Variants in EXOSC4 observed in about 807,000 individuals in gnomAD.
EXOSC4 encodes the protein exosome component 4.
EXOSC4 carries 14 observed loss-of-function variants against 20.0 expected under a neutral mutation model. The observed-to-expected ratio is 0.70, with a 90% CI of 0.46 to 1.09. The LOEUF (loss-of-function observed/expected upper bound fraction) is 1.09. Ranked by LOEUF, EXOSC4 falls within the 50% of genes least tolerant of loss-of-function variation. EXOSC4 has a pLI of 0.00. For synonymous variants in EXOSC4, 148 were observed against 146.4 expected (o/e 1.01, Z -0.08); for missense variants, 337 against 334.0 (o/e 1.01, Z -0.07).
rs1554763338 is a variant in EXOSC4, at chr8:144,080,435, C to G, written c.572C>G (p.Pro191Arg). The change falls in exon 3 of 3, where the codon CCA (proline) becomes CGA (arginine). Residue 191 changes from proline (P) to arginine (R), a missense_variant. Coordinates refer to ENST00000316052, the MANE Select transcript of EXOSC4 (RefSeq NM_019037.3). The surrounding 1 kb of genome is among the most constrained non-coding windows in gnomAD (Gnocchi z 4.9). ...GGPQLALALL[P>R]ASGQIALLEM... The stretch of plus-strand genomic sequence containing the variant: ...CCCCAGCTGGCCCTGGCCCTGCTGC[C>G]AGCCTCAGGACAGATTGCGCTGCTT... 1 of 1,610,302 alleles carries G rather than the reference C, an allele frequency of 6.2e-7. No homozygotes were observed. Among genetic ancestry groups the G allele is most frequent in the East Asian group, 2.2e-5 (1 of 44,884 alleles).
chr8:144,065,760 T>C, the EXOSC4 span, among the ~76,000 whole-genome samples: 12 of 151,842 alleles, frequency 7.9e-5, no homozygotes, highest in African/African-American at 2.7e-4. Context: ...ATTCCTATAA[T>C]TAGGAAGAAA....
chr8:144,068,003 G>A, the EXOSC4 span, among the ~76,000 whole-genome samples: 8 of 152,316 alleles, frequency 5.3e-5, no homozygotes, highest in Admixed American at 2.6e-4. Context: ...CACTGGCCAC[G>A]GAGTGGCTCT....
the EXOSC4 span, among the ~76,000 whole-genome samples, chr8:144,066,985 G>A: frequency 6.6e-6 from 1 of 152,130 alleles, no homozygotes; most frequent in Admixed American, 6.5e-5. Flanking sequence ...TACTCGGGAG[G>A]CTGAGGCAGA....
At chr8:144,075,684 C>T (rs1835830556), upstream of EXOSC4, among the ~76,000 whole-genome samples, 1 of 152,206 alleles carries the variant, frequency 6.6e-6, no homozygotes. Context: ...ATTCTTTCTA[C>T]ATATAGAAGG....
chr8:144,077,777 A>G (rs1835849926), upstream of EXOSC4, among the ~76,000 whole-genome samples: 1 of 152,186 alleles, frequency 6.6e-6, no homozygotes, highest in Non-Finnish European at 1.5e-5. Context: ...CCCAGTTGCC[A>G]TACTGCAAGG....
At chr8:144,074,610 T>C (rs544333346), upstream of EXOSC4, among the ~76,000 whole-genome samples, 12 of 152,150 alleles carry the variant, frequency 7.9e-5, no homozygotes, top group Non-Finnish European at 1.5e-4. Context: ...GGCTCTGTGG[T>C]ATGGGCAGGA....
upstream of EXOSC4, among the ~76,000 whole-genome samples, chr8:144,076,594 T>A (rs1554762741): frequency 6.6e-6 from 1 of 152,192 alleles, no homozygotes; most frequent in Non-Finnish European, 1.5e-5. Flanking sequence ...AGATGAATAC[T>A]TCCACCAGGG....
chr8:144,077,298 C>A (rs1359991770), upstream of EXOSC4, among the ~76,000 whole-genome samples: 1 of 152,086 alleles, frequency 6.6e-6, no homozygotes, highest in South Asian at 2.1e-4. Context: ...TCAGTAAGAA[C>A]AGGGACAGTA....
chr8:144,080,114 C>T lies in EXOSC4; in HGVS notation c.343C>T (p.Leu115=). Residue 115 remains leucine (L), a synonymous_variant, in exon 2 of 3, where the codon CTG becomes TTG. Coordinates refer to ENST00000316052, the MANE Select transcript of EXOSC4 (RefSeq NM_019037.3). This position sits in a 1 kb window ranked among gnomAD's most constrained non-coding sequence, Gnocchi z 4.9. ...QTFEAAILTQ[L]HPRSQIDIYV... is the part of the protein sequence containing the mutation. ...TTTCGAAGCAGCCATCCTCACACAG[C>T]TGCACCCACGCTCCCAGATTGATAT... 1 of 1,613,746 alleles carries T rather than the reference C, an allele frequency of 6.2e-7. No homozygotes were observed. Among genetic ancestry groups the T allele is most frequent in the Non-Finnish European group, 8.5e-7 (1 of 1,179,740 alleles).
At chr8:144,076,875 G>A (rs149054625), upstream of EXOSC4, among the ~76,000 whole-genome samples, 8,153 of 152,154 alleles carry the variant, frequency 0.054, 779 homozygotes, top group African/African-American at 0.19. Flanking sequence ...AGATCAGCCT[G>A]GTCAACATGG....
chr8:144,069,954 G>A, the EXOSC4 span, among the ~76,000 whole-genome samples: 93 of 152,348 alleles, frequency 6.1e-4, no homozygotes, highest in Non-Finnish European at 1.2e-3. Flanking sequence ...GGGGAACTCA[G>A]GGACAGAGAG....
chr8:144,064,234 T>G, the EXOSC4 span, among the ~76,000 whole-genome samples: 1 of 152,170 alleles, frequency 6.6e-6, no homozygotes, highest in Non-Finnish European at 1.5e-5. Flanking sequence ...AGCCCAGGTG[T>G]GTCGTGGGGG....
At chr8:144,065,273 G>A in the EXOSC4 span, among the ~76,000 whole-genome samples, 3 of 152,108 alleles carry the variant, frequency 2.0e-5, no homozygotes, top group African/African-American at 7.2e-5. Flanking sequence ...GTTTCCACTT[G>A]CTGATTTGTA....
upstream of EXOSC4, chr8:144,078,597 T>C (rs1835860433): frequency 1.2e-5 from 12 of 1,029,194 alleles, no homozygotes; most frequent in South Asian, 2.5e-4. The surrounding 1 kb of genome is among the most constrained non-coding windows in gnomAD (Gnocchi z 4.7). Flanking sequence ...CGGAGAGCTG[T>C]AGTTCCCCGG....
chr8:144,080,510 C>A lies in EXOSC4; in HGVS notation c.647C>A (p.Ala216Asp). The part of the protein sequence containing the change: ...HEDHLERVLE[A>D]AAQAARDVHT... Reference sequence around the variant, plus strand: ...GACCACCTGGAGCGGGTGTTGGAGGCTGCTGCCCAGGCTGCCCGAGATGTG... The same window carrying A: ...GACCACCTGGAGCGGGTGTTGGAGGATGCTGCCCAGGCTGCCCGAGATGTG... The change falls in exon 3 of 3, where the codon GCT becomes GAT. Residue 216 changes from alanine (A) to aspartate (D), a missense_variant. Coordinates refer to ENST00000316052, the MANE Select transcript of EXOSC4 (RefSeq NM_019037.3). The surrounding 1 kb of genome is among the most constrained non-coding windows in gnomAD (Gnocchi z 4.9). 6.2e-7 allele frequency: 1 copy of A among 1,605,284 alleles called. No homozygotes were observed.
chr8:144,079,255 G>T, intron 1 of EXOSC4: 1 of 239,180 alleles, frequency 4.2e-6, no homozygotes, highest in Non-Finnish European at 8.1e-6. Context: ...CCTTTGTTTT[G>T]TGCACCTACA....
At chr8:144,069,751 C>T in the EXOSC4 span, among the ~76,000 whole-genome samples, 1 of 152,216 alleles carries the variant, frequency 6.6e-6, no homozygotes, top group Non-Finnish European at 1.5e-5. Flanking sequence ...GAAAGCTTTC[C>T]AACCACACAC....
chr8:144,078,725 CA>C lies in EXOSC4; in HGVS notation c.-3del. The C allele has an allele frequency of 4.1e-6, 6 of 1,454,218 alleles. No homozygotes were observed. The highest frequency in any genetic ancestry group is 5.4e-6 in the Non-Finnish European group (6 of 1,101,000). 90.1% of individuals were successfully genotyped at this position (1,454,218 alleles called of 1,614,324 possible). On this transcript the variant is annotated 5_prime_UTR_variant, in exon 1 of 3. Transcript: ENST00000316052. The surrounding 1 kb of genome is among the most constrained non-coding windows in gnomAD (Gnocchi z 4.7). Reference sequence around the variant, plus strand: ...GCAGAGAGCGGACCTGGCGGCCGGGCAGCATGGCGGGGCTGGAGCTCTTGTC... The same window carrying C: ...GCAGAGAGCGGACCTGGCGGCCGGGCGCATGGCGGGGCTGGAGCTCTTGTC...
chr8:144,075,904 T>C (rs551623453), upstream of EXOSC4, among the ~76,000 whole-genome samples: 1 of 152,368 alleles, frequency 6.6e-6, no homozygotes, highest in South Asian at 2.1e-4. Flanking sequence ...TTTTGTCTTA[T>C]GTTTCAAAAG....
Sources: gnomAD v4.1 joint callset for allele counts (sites outside exome capture counted in the v4.1 genomes callset) on GRCh38, gnomAD v4.1.1 for gene constraint, Gnocchi (gnomAD v3.1) non-coding constraint, MANE v1.5 for transcripts, NCBI Gene and HGNC (gene_info 2026-07-23, HGNC 2026-07-21) for gene names.